The following SPOCK1 variants were observed in gnomAD, a reference collection of about 807,000 sequenced individuals.
SPOCK1 encodes SPARC (osteonectin), cwcv and kazal like domains proteoglycan 1, also known as testican-1.
In SPOCK1, 23 loss-of-function variants were observed where a neutral mutation model predicts 55.3. The observed-to-expected ratio is 0.42, with a 90% CI of 0.30 to 0.59. The LOEUF (loss-of-function observed/expected upper bound fraction) is 0.59, where lower values mean the gene tolerates loss of function less well. SPOCK1 is among the 20% of genes least tolerant of loss of function. The probability of loss-of-function intolerance (pLI) is 0.22; values close to 1 mark genes in which losing one functional copy is unlikely to be tolerated. For missense variants in SPOCK1, 499 were observed against 552.5 expected (o/e 0.90, Z 0.97); for synonymous variants, 226 against 221.0 (o/e 1.02, Z -0.20).
chr5:137,242,577 A>T (rs1756303701), intron 3 of SPOCK1, among the ~76,000 whole-genome samples: 1 of 152,208 alleles, frequency 6.6e-6, no homozygotes, highest in Non-Finnish European at 1.5e-5. Context: ...CTCTACCAAA[A>T]AAATACAAAA....
chr5:137,283,728 A>T (rs1218563186), intron 2 of SPOCK1, among the ~76,000 whole-genome samples: 1 of 151,558 alleles, frequency 6.6e-6, no homozygotes, highest in Non-Finnish European at 1.5e-5. Flanking sequence ...AACAAGATGA[A>T]ACAAACAAAA....
chr5:137,033,353 C>T lies in SPOCK1; in HGVS notation c.589+34362G>A, dbSNP rs74815729. ...TGCTACGTGCCTTCGAATTTGCATG[C>T]CTTTGCATTTGCTGACAAGCCTGCC... On this transcript the variant is annotated intron_variant, in intron 6 of 10. Transcript: ENST00000394945. Among the ~76,000 whole-genome samples, 465 of 152,288 alleles carry T rather than the reference C, an allele frequency of 3.1e-3. 9 individuals carry two copies. The highest frequency in any genetic ancestry group is 0.024 in the Middle Eastern group (7 of 294).
intron 4 of SPOCK1, among the ~76,000 whole-genome samples, chr5:137,127,209 T>C (rs1056353630): frequency 6.6e-6 from 1 of 152,016 alleles, no homozygotes; most frequent in Non-Finnish European, 1.5e-5. Context: ...GAAAGAGCAA[T>C]TCAGAAATCA....
chr5:137,245,494 T>C (rs1181354198), intron 3 of SPOCK1, among the ~76,000 whole-genome samples: 1 of 152,200 alleles, frequency 6.6e-6, no homozygotes, highest in Non-Finnish European at 1.5e-5. Flanking sequence ...AGGGAATTCA[T>C]TAAATATTCA....
At chr5:137,276,195 C>A (rs762880855) in intron 2 of SPOCK1, among the ~76,000 whole-genome samples, 2 of 152,228 alleles carry the variant, frequency 1.3e-5, no homozygotes, top group Admixed American at 6.5e-5. Flanking sequence ...CAATGAACTA[C>A]GTTTTAATCC....
At chr5:137,170,983 C>T (rs1201952799) in intron 3 of SPOCK1, among the ~76,000 whole-genome samples, 1 of 152,064 alleles carries the variant, frequency 6.6e-6, no homozygotes, top group Non-Finnish European at 1.5e-5. Context: ...TGAGACTATG[C>T]CCACAGTTAA....
At chr5:137,143,522 C>T (rs1292285888) in intron 3 of SPOCK1, among the ~76,000 whole-genome samples, 5 of 152,102 alleles carry the variant, frequency 3.3e-5, no homozygotes, top group Non-Finnish European at 5.9e-5. Context: ...CCTTGCTATA[C>T]CTCACTTTCC....
In SPOCK1 at chr5:136,978,077, C is replaced by T; in HGVS notation, c.*577G>A. 2.5e-6 allele frequency: 1 copy of T among 397,498 alleles called. No individual in the cohort carries two copies. The highest frequency in any genetic ancestry group is 3.6e-5 in the East Asian group (1 of 28,038). The allele number at this position is 397,498 out of a possible 1,614,324, so 24.6% of individuals were successfully genotyped here. ...ATGAATTCCCCAAAGGGAGTCTTGA[C>T]TGAATTAAGGCTGTTGTTTATAGGA... is the stretch of plus-strand genomic sequence containing the variant. On this transcript the variant is annotated 3_prime_UTR_variant, in exon 11 of 11. Coordinates refer to ENST00000394945, the MANE Select transcript of SPOCK1 (RefSeq NM_004598.4).
At chr5:137,181,233 G>A (rs1754963486) in intron 3 of SPOCK1, among the ~76,000 whole-genome samples, 1 of 152,242 alleles carries the variant, frequency 6.6e-6, no homozygotes, top group Non-Finnish European at 1.5e-5. Context: ...ACAGAGGCAG[G>A]AGAGGAAGGT....
At chr5:137,083,950 C>A (rs1752916697) in intron 5 of SPOCK1, among the ~76,000 whole-genome samples, 1 of 152,060 alleles carries the variant, frequency 6.6e-6, no homozygotes, top group Non-Finnish European at 1.5e-5. Flanking sequence ...CAAATCCCAG[C>A]TCTTGCTTGC....
intron 2 of SPOCK1, among the ~76,000 whole-genome samples, chr5:137,487,333 C>CAAAA (rs11330611): frequency 5.6e-5 from 3 of 53,308 alleles, no homozygotes; most frequent in Non-Finnish European, 1.2e-4. Flanking sequence ...TCTGATCTTT[C>CAAAA]AAAAAAAAAA....
intron 5 of SPOCK1, among the ~76,000 whole-genome samples, chr5:137,076,773 T>C (rs1366121956): frequency 2.6e-5 from 4 of 152,216 alleles, no homozygotes; most frequent in Non-Finnish European, 4.4e-5. Flanking sequence ...TTATGGGATA[T>C]ATCTTATGTA....
chr5:137,099,594 G>A (rs763506394), intron 5 of SPOCK1, among the ~76,000 whole-genome samples: 5 of 145,318 alleles, frequency 3.4e-5, no homozygotes, highest in Non-Finnish European at 6.0e-5. Flanking sequence ...ATATATATAT[G>A]TACACATATA....
intron 2 of SPOCK1, among the ~76,000 whole-genome samples, chr5:137,490,261 C>A (rs1361003592): frequency 6.6e-6 from 1 of 152,208 alleles, no homozygotes; most frequent in Non-Finnish European, 1.5e-5. Context: ...AACTGAAGAA[C>A]TGGGTCTTTG....
rs927767723 is a variant in SPOCK1 at position 137,067,455 on chromosome 5, C to G, written c.589+260G>C. Reference sequence around the variant, plus strand: ...TTAGATGCTGAAAAACAGCTCCTCCCACACCATAGCGAATATGACCTCTAA... The same window carrying G: ...TTAGATGCTGAAAAACAGCTCCTCCGACACCATAGCGAATATGACCTCTAA... On this transcript the variant is annotated intron_variant, in intron 6 of 10. Coordinates refer to ENST00000394945, the MANE Select transcript of SPOCK1 (RefSeq NM_004598.4). Among the ~76,000 whole-genome samples the G allele has an allele frequency of 3.3e-5, 5 of 152,200 alleles. No individual in the cohort carries two copies. In the South Asian group the frequency reaches 1.0e-3, roughly 32 times the overall value.
chr5:137,196,426 G>A (rs1755300088), intron 3 of SPOCK1, among the ~76,000 whole-genome samples: 1 of 152,182 alleles, frequency 6.6e-6, no homozygotes, highest in Non-Finnish European at 1.5e-5. Flanking sequence ...TGGGCCATCT[G>A]GCTTCAGCTG....
At chr5:137,084,954 C>CAAAAAAAAAAA (rs10568473) in intron 5 of SPOCK1, among the ~76,000 whole-genome samples, 1 of 114,254 alleles carries the variant, frequency 8.8e-6, no homozygotes, top group African/African-American at 3.5e-5. Flanking sequence ...TTATACAAAG[C>CAAAAAAAAAAA]AAAAAAAAAA....
chr5:137,359,520 T>A (rs1355239902), intron 2 of SPOCK1, among the ~76,000 whole-genome samples: 1 of 152,236 alleles, frequency 6.6e-6, no homozygotes, highest in Non-Finnish European at 1.5e-5. Context: ...AGACAGTAGG[T>A]TAGCACATGT....
chr5:137,220,550 A>G (rs1580813856), intron 3 of SPOCK1, among the ~76,000 whole-genome samples: 1 of 152,202 alleles, frequency 6.6e-6, no homozygotes, highest in East Asian at 1.9e-4. Flanking sequence ...CATAGGATGT[A>G]ATAATTTGGC....
Sources: gnomAD v4.1 joint callset for allele counts (sites outside exome capture counted in the v4.1 genomes callset) on GRCh38, gnomAD v4.1.1 for gene constraint, MANE v1.5 for transcripts, NCBI Gene and HGNC (gene_info 2026-07-23, HGNC 2026-07-21) for gene names.